The following STMN4 variants were observed in gnomAD, a reference collection of about 807,000 sequenced individuals.
STMN4 encodes stathmin-4.
Under a neutral mutation model 29.1 loss-of-function variants are expected in STMN4, and 12 were observed. That is an observed-to-expected ratio of 0.41 (90% CI 0.26 to 0.67). The LOEUF is 0.67. Among genes scored for constraint, STMN4 ranks in the 30% least tolerant of loss-of-function variants. The probability of loss-of-function intolerance (pLI) is 0.30; values close to 1 mark genes in which losing one functional copy is unlikely to be tolerated. For synonymous variants in STMN4, 114 were observed against 105.3 expected, an observed-to-expected ratio of 1.08 and a Z score of -0.51; for missense variants, 181 against 262.8, an observed-to-expected ratio of 0.69 and a Z score of 2.15.
intron 6 of STMN4, among the ~76,000 whole-genome samples, chr8:27,238,944 C>A (rs1463045913): frequency 6.6e-6 from 1 of 152,226 alleles, no homozygotes; most frequent in Non-Finnish European, 1.5e-5. Context: ...TAGCCCAACC[C>A]CAGGTTTTTG....
At chr8:27,249,032 G>GC (rs1366337334) in intron 1 of STMN4, among the ~76,000 whole-genome samples, 1 of 152,196 alleles carries the variant, frequency 6.6e-6, no homozygotes, top group East Asian at 1.9e-4. Context: ...AGGAACCAGA[G>GC]CTTTTTGTTG....
chr8:27,238,382 G>A (rs1036234690), intron 6 of STMN4, among the ~76,000 whole-genome samples: 4 of 152,222 alleles, frequency 2.6e-5, no homozygotes, highest in Non-Finnish European at 5.9e-5. Context: ...GTAAAGGGGA[G>A]CAGGGGCCGA....
chr8:27,257,182 CTA>C (rs1007613798), intron 1 of STMN4, among the ~76,000 whole-genome samples: 1 of 152,142 alleles, frequency 6.6e-6, no homozygotes, highest in African/African-American at 2.4e-5. Flanking sequence ...TGCTCCAGCA[CTA>C]TGATTATTTC....
At chr8:27,247,254 CAAAA>C (rs150260843) in intron 1 of STMN4, among the ~76,000 whole-genome samples, 10 of 107,800 alleles carry the variant, frequency 9.3e-5, no homozygotes, top group African/African-American at 3.3e-4. Flanking sequence ...GACTTTGTCT[CAAAA>C]AAAAAAAAAA....
At chr8:27,243,101 G>C (rs1801522909) in intron 2 of STMN4, among the ~76,000 whole-genome samples, 1 of 152,172 alleles carries the variant, frequency 6.6e-6, no homozygotes, top group East Asian at 1.9e-4. Flanking sequence ...TCTGTGTTTG[G>C]GATGTCAGGG....
rs753043425 is a variant in STMN4 at position 27,243,702 on chromosome 8, T to G, written c.13+9A>C. 1 of 1,614,164 alleles carries G rather than the reference T, an allele frequency of 6.2e-7. No homozygotes were observed. Among genetic ancestry groups the G allele is most frequent in the South Asian group, 1.1e-5 (1 of 91,078 alleles). On this transcript the variant is annotated intron_variant, in intron 2 of 6. Coordinates refer to ENST00000350889, the MANE Select transcript of STMN4 (RefSeq NM_030795.4). ...CCTACGCCCCTTAACACATGGTTTT[T>G]GTACCTACCAGCAAGGGTCATGTTT...
At chr8:27,252,399 C>G (rs1024066968) in intron 1 of STMN4, among the ~76,000 whole-genome samples, 1 of 152,112 alleles carries the variant, frequency 6.6e-6, no homozygotes, top group Non-Finnish European at 1.5e-5. Flanking sequence ...GGGCTAATAT[C>G]CAGAATCTAC....
intron 1 of STMN4, among the ~76,000 whole-genome samples, chr8:27,247,149 G>T (rs964580726): frequency 6.6e-6 from 1 of 151,168 alleles, no homozygotes; most frequent in African/African-American, 2.4e-5. Context: ...CAGCTACTAG[G>T]GAAGCTGAGG....
Position 27,235,339 on chromosome 8 carries a change from G to T in STMN4, c.*1507C>A, listed in dbSNP as rs1402837833. 6.5e-6 allele frequency: 1 copy of T among 154,622 alleles called. No individual in the cohort carries two copies. Among genetic ancestry groups the T allele is most frequent in the Non-Finnish European group, 1.4e-5 (1 of 69,692 alleles). 9.6% of individuals were successfully genotyped at this position (154,622 alleles called of 1,614,324 possible). ...GAAAGAAAAAAAGGCTATACCAAAG[G>T]GTTTATTTGCAAAGCTGTAAAAAAC... On this transcript the variant is annotated 3_prime_UTR_variant, in exon 7 of 7. Coordinates refer to ENST00000350889, the MANE Select transcript of STMN4 (RefSeq NM_030795.4).
At chr8:27,241,002 C>T (rs1306376757) in intron 5 of STMN4, 52 bp downstream of exon 5, 7 of 1,552,772 alleles carry the variant, frequency 4.5e-6, no homozygotes, top group Non-Finnish European at 5.2e-6. Flanking sequence ...TCTTCTCCAC[C>T]TCCCTCCCCT....
chr8:27,252,689 T>C (rs962408143), intron 1 of STMN4, among the ~76,000 whole-genome samples: 10 of 152,234 alleles, frequency 6.6e-5, no homozygotes, highest in African/African-American at 2.4e-4. Context: ...CCCAAAGTCA[T>C]ACAAGTAGAA....
chr8:27,237,485 C>T (rs1194260619), intron 6 of STMN4, among the ~76,000 whole-genome samples: 1 of 152,134 alleles, frequency 6.6e-6, no homozygotes, highest in African/African-American at 2.4e-5. Context: ...TAACTCCTGG[C>T]CTCAAATGAC....
At chr8:27,239,160 A>G (rs13276223) in intron 6 of STMN4, 94,040 of 1,502,810 alleles carry the variant, frequency 0.063, 3,424 homozygotes, top group Non-Finnish European at 0.072. Flanking sequence ...TCCTTCTAGG[A>G]CCTGTTGCCA....
intron 2 of STMN4, among the ~76,000 whole-genome samples, chr8:27,242,832 T>C (rs1801515599): frequency 6.6e-6 from 1 of 152,112 alleles, no homozygotes; most frequent in Non-Finnish European, 1.5e-5. Flanking sequence ...TCCCCCAACA[T>C]CTGCCCCAGG....
At chr8:27,242,131 G>A (rs1356949743) in intron 3 of STMN4, 1 of 567,386 alleles carries the variant, frequency 1.8e-6, no homozygotes, top group African/African-American at 1.9e-5. Context: ...CCCCAGTCTC[G>A]ATTTGCTGGA....
chr8:27,236,998 T>G (rs1003348114), intron 6 of STMN4, 93 bp from the exon 7 acceptor site: 60 of 1,356,958 alleles, frequency 4.4e-5, no homozygotes, highest in Non-Finnish European at 5.8e-5. Context: ...AAGCAAAGAG[T>G]GGCCACCACA....
At chr8:27,247,919 G>C (rs1315881282) in intron 1 of STMN4, among the ~76,000 whole-genome samples, 4 of 152,228 alleles carry the variant, frequency 2.6e-5, no homozygotes, top group African/African-American at 9.6e-5. Context: ...TTTTCTGTTA[G>C]GTGAGAGCCA....
Position 27,236,717 on chromosome 8 carries a change from A to C in STMN4, c.*129T>G, listed in dbSNP as rs2130030161. ...ATGTACAAACACCAAAAGCAGAGGA[A>C]ACGCCCCTTGGCCACCCCCCTCCCC... is the stretch of plus-strand genomic sequence containing the variant. On this transcript the variant is annotated 3_prime_UTR_variant, in exon 7 of 7. Transcript: ENST00000350889. 1 of 722,598 alleles carries C rather than the reference A, an allele frequency of 1.4e-6. No individual in the cohort carries two copies. The highest frequency in any genetic ancestry group is 2.3e-5 in the South Asian group (1 of 43,608). 44.8% of individuals were successfully genotyped at this position (722,598 alleles called of 1,614,324 possible).
At chr8:27,240,953 A>C in intron 5 of STMN4, 101 bp downstream of exon 5, 1 of 1,166,668 alleles carries the variant, frequency 8.6e-7, no homozygotes, top group South Asian at 1.6e-5. Flanking sequence ...AATATTGCAG[A>C]TTGGTGATGA....
Sources: allele counts gnomAD v4.1 joint callset (sites outside exome capture counted in the v4.1 genomes callset), GRCh38; gene constraint gnomAD v4.1.1; transcripts MANE v1.5; gene names NCBI Gene and HGNC (gene_info 2026-07-23, HGNC 2026-07-21).